Variants in NR3C1 observed in about 807,000 individuals in gnomAD.
The protein encoded by NR3C1 is glucocorticoid receptor.
NR3C1 carries 14 observed loss-of-function variants against 74.0 expected under a neutral mutation model. That is an observed-to-expected ratio of 0.19 (90% CI 0.12 to 0.30). The LOEUF (loss-of-function observed/expected upper bound fraction) is 0.30, where lower values mean the gene tolerates loss of function less well. Ranked by LOEUF, NR3C1 falls within the 10% of genes least tolerant of loss-of-function variation. The probability of loss-of-function intolerance (pLI) is 1.00; values close to 1 mark genes in which losing one functional copy is unlikely to be tolerated. For missense variants in NR3C1, 695 were observed against 909.8 expected (o/e 0.76, Z 3.04); for synonymous variants, 308 against 332.5 (o/e 0.93, Z 0.80).
intron 6 of NR3C1, among the ~76,000 whole-genome samples, chr5:143,298,105 A>C (rs1441647666): frequency 6.6e-6 from 1 of 152,250 alleles, no homozygotes; most frequent in East Asian, 1.9e-4. Context: ...AGTATTTCGC[A>C]GACACAGGAA....
At chr5:143,376,179 A>T (rs188976256) in intron 2 of NR3C1, among the ~76,000 whole-genome samples, 19 of 152,350 alleles carry the variant, frequency 1.2e-4, no homozygotes, top group Non-Finnish European at 1.5e-4. Flanking sequence ...AAGCCAAAAA[A>T]GTTTGTATTT....
chr5:143,415,583 G>A (rs575673029), intron 1 of NR3C1, among the ~76,000 whole-genome samples: 2 of 152,234 alleles, frequency 1.3e-5, no homozygotes, highest in East Asian at 1.9e-4. Flanking sequence ...TTCATCAAAT[G>A]TTATTGGACA....
intron 2 of NR3C1, among the ~76,000 whole-genome samples, chr5:143,396,866 T>C (rs1333242679): frequency 6.6e-6 from 1 of 151,832 alleles, no homozygotes; most frequent in Non-Finnish European, 1.5e-5. Context: ...CCTCTGTCAT[T>C]AATGCTTAAA....
Position 143,403,611 on chromosome 5 carries a change from G to A in NR3C1, c.-414C>T. On this transcript the variant is annotated 5_prime_UTR_variant, in exon 1 of 9. Coordinates refer to ENST00000394464, the MANE Select transcript of NR3C1 (RefSeq NM_000176.3). ...ATGGAGGAGGCGGCGGCGGAGGGAA[G>A]AGAGCGCGGACACGCGAAAGGGCAG... 4 of 986,520 alleles carry A rather than the reference G, an allele frequency of 4.1e-6. No individual in the cohort carries two copies. Among genetic ancestry groups the A allele is most frequent in the Non-Finnish European group, 4.8e-6 (4 of 830,870 alleles). The allele number at this position is 986,520 out of a possible 1,614,324, so 61.1% of individuals were successfully genotyped here.
chr5:143,314,684 G>A (rs1279031045), intron 2 of NR3C1, among the ~76,000 whole-genome samples: 1 of 151,940 alleles, frequency 6.6e-6, no homozygotes, highest in Non-Finnish European at 1.5e-5. Context: ...ATTCAATCAA[G>A]TGTCATTACA....
intron 2 of NR3C1, among the ~76,000 whole-genome samples, chr5:143,384,545 T>C (rs1836827505): frequency 1.3e-5 from 2 of 152,102 alleles, no homozygotes; most frequent in South Asian, 4.2e-4. Context: ...CATTCCAAAC[T>C]AGAGAAATTG....
Position 143,279,780 on chromosome 5 carries a change from T to C in NR3C1, c.*2109A>G, listed in dbSNP as rs937868005. 7 of 173,252 alleles carry C rather than the reference T, an allele frequency of 4.0e-5. No individual in the cohort carries two copies. Among genetic ancestry groups the C allele is most frequent in the African/African-American group, 1.2e-4 (5 of 41,912 alleles). The allele number at this position is 173,252 out of a possible 1,614,324, so 10.7% of individuals were successfully genotyped here. ...ATTGCTGGTACCTCTATGCAAACTA[T>C]TGCCAAACTTCTGAAGCTTCTGTTG... On this transcript the variant is annotated 3_prime_UTR_variant, in exon 9 of 9. Coordinates refer to ENST00000394464, the MANE Select transcript of NR3C1 (RefSeq NM_000176.3).
chr5:143,351,993 A>C (rs867916489), intron 2 of NR3C1, among the ~76,000 whole-genome samples: 1 of 152,334 alleles, frequency 6.6e-6, no homozygotes, highest in Middle Eastern at 3.4e-3. Flanking sequence ...GATGTTCTAA[A>C]GATGACCTAA....
At chr5:143,402,983 C>G (rs1179302372) in intron 1 of NR3C1, among the ~76,000 whole-genome samples, 2 of 152,092 alleles carry the variant, frequency 1.3e-5, no homozygotes, top group African/African-American at 2.4e-5. Context: ...GGTTCCTCCC[C>G]CTCGGCCCGG....
intron 2 of NR3C1, among the ~76,000 whole-genome samples, chr5:143,383,776 T>C (rs1330015029): frequency 6.6e-6 from 1 of 152,238 alleles, no homozygotes; most frequent in Non-Finnish European, 1.5e-5. Context: ...TTGTTAGTAA[T>C]AATGATTTAT....
At chr5:143,435,362 A>G (rs1272390570) in exon 1 of NR3C1, 2 of 985,326 alleles carry the variant, frequency 2.0e-6, no homozygotes, top group Admixed American at 6.1e-5. Flanking sequence ...TCTGCCATTT[A>G]AAGAAGCGTG....
intron 7 of NR3C1, among the ~76,000 whole-genome samples, chr5:143,285,486 T>C (rs1369689683): frequency 1.3e-5 from 2 of 152,196 alleles, no homozygotes; most frequent in Admixed American, 6.6e-5. Context: ...TTGCATTCTT[T>C]TCAAGTATAC....
chr5:143,399,434 A>G (rs1247362506), intron 2 of NR3C1, among the ~76,000 whole-genome samples: 5 of 152,194 alleles, frequency 3.3e-5, no homozygotes, highest in East Asian at 1.9e-4. Context: ...CCGTTGGCCA[A>G]TGGGATACTG....
At chr5:143,379,324 CTAT>C (rs1835769266) in intron 2 of NR3C1, among the ~76,000 whole-genome samples, 1 of 152,114 alleles carries the variant, frequency 6.6e-6, no homozygotes, top group Admixed American at 6.5e-5. Flanking sequence ...TACTGAATGC[CTAT>C]CAGGAAGATT....
At chr5:143,383,524 T>C (rs1343386255) in intron 2 of NR3C1, among the ~76,000 whole-genome samples, 1 of 152,226 alleles carries the variant, frequency 6.6e-6, no homozygotes, top group Non-Finnish European at 1.5e-5. Context: ...ATGACTAATT[T>C]AGGTAGAAAG....
At chr5:143,350,116 T>C (rs1256075286) in intron 2 of NR3C1, among the ~76,000 whole-genome samples, 1 of 152,136 alleles carries the variant, frequency 6.6e-6, no homozygotes, top group Non-Finnish European at 1.5e-5. Flanking sequence ...AAAGACCCTG[T>C]AAGCCATGGT....
chr5:143,283,045 A>C (rs1813480418), intron 7 of NR3C1, among the ~76,000 whole-genome samples: 1 of 152,084 alleles, frequency 6.6e-6, no homozygotes, highest in Non-Finnish European at 1.5e-5. Context: ...GTGTCTGGCT[A>C]AATTTTTTTG....
At chr5:143,418,725 T>C (rs1459915786) in intron 1 of NR3C1, among the ~76,000 whole-genome samples, 1 of 152,116 alleles carries the variant, frequency 6.6e-6, no homozygotes, top group Non-Finnish European at 1.5e-5. Flanking sequence ...CAGTTGGTGC[T>C]GGGTGGCAGG....
chr5:143,382,493 C>T (rs184744627), intron 2 of NR3C1, among the ~76,000 whole-genome samples: 2 of 152,316 alleles, frequency 1.3e-5, no homozygotes, highest in East Asian at 3.9e-4. Flanking sequence ...AAACACATCA[C>T]TAAAAATAAC....
Sources: gnomAD v4.1 joint callset for allele counts (sites outside exome capture counted in the v4.1 genomes callset) on GRCh38, gnomAD v4.1.1 for gene constraint, MANE v1.5 for transcripts, NCBI Gene and HGNC (gene_info 2026-07-23, HGNC 2026-07-21) for gene names.